RAD52: variants seen among roughly 807,000 people sequenced by gnomAD.
The protein encoded by RAD52 is RAD52 DNA repair protein.
Under a neutral mutation model 55.5 loss-of-function variants are expected in RAD52, and 47 were observed. The observed-to-expected ratio is 0.85, with a 90% CI of 0.67 to 1.08. RAD52 has a LOEUF of 1.08. Among genes scored for constraint, RAD52 ranks in the 50% least tolerant of loss-of-function variants. RAD52 has a pLI of 0.00. For missense variants in RAD52, 468 were observed against 522.8 expected (o/e 0.90, Z 1.02); for synonymous variants, 184 against 198.9 (o/e 0.92, Z 0.63).
intron 1 of RAD52, among the ~76,000 whole-genome samples, chr12:943,234 A>ACC (rs1286846300): frequency 2.6e-5 from 4 of 152,140 alleles, no homozygotes; most frequent in African/African-American, 9.7e-5. Flanking sequence ...GGCTGATAAA[A>ACC]CCACTCAGCT....
intron 1 of RAD52, among the ~76,000 whole-genome samples, chr12:960,989 T>C (rs1003836709): frequency 2.6e-5 from 4 of 151,566 alleles, no homozygotes; most frequent in East Asian, 1.9e-4. Context: ...CTCCAACACA[T>C]AGAGGCAAGA....
intron 1 of RAD52, among the ~76,000 whole-genome samples, chr12:945,113 G>A (rs977640127): frequency 6.6e-6 from 1 of 152,134 alleles, no homozygotes; most frequent in African/African-American, 2.4e-5. Context: ...CACTTTGGAA[G>A]GCCAATGCAG....
intron 1 of RAD52, among the ~76,000 whole-genome samples, chr12:986,274 G>C (rs1424418582): frequency 3.3e-5 from 5 of 152,102 alleles, no homozygotes; most frequent in African/African-American, 1.2e-4. Context: ...ATGTTGCCCA[G>C]GTTGGCTTTG....
rs1270804941 is a variant in RAD52 at position 912,829 on chromosome 12, TA to T, written c.*561del. On this transcript the variant is annotated 3_prime_UTR_variant, in exon 12 of 12. Coordinates refer to ENST00000358495, the MANE Select transcript of RAD52 (RefSeq NM_134424.4). ...TCAGTCTTGAAACAATGCAGGATTG[TA>T]ATGTCATAAATCCATAAATTATTTA... The T allele has an allele frequency of 5.2e-6, 1 of 190,604 alleles. No individual in the cohort carries two copies. The highest frequency in any genetic ancestry group is 2.3e-5 in the African/African-American group (1 of 43,008). 11.8% of individuals were successfully genotyped at this position (190,604 alleles called of 1,614,324 possible). A position where few individuals can be genotyped will look rare whatever the true frequency, so the allele number is the denominator to read the frequency against.
Position 929,876 on chromosome 12 carries a change from G to T in RAD52, c.291C>A (p.Asp97Glu). The change falls in exon 5 of 12, where the codon GAC becomes GAA. Residue 97 changes from aspartate (D) to glutamate (E), a missense_variant. Coordinates refer to ENST00000358495, the MANE Select transcript of RAD52 (RefSeq NM_134424.4). ...CCACGTAGAACTTGCCATTGTTGAG[G>T]TCAACAAAATCTAGGAGTGGGAAAG... ...SITQQNVDFVDLNNGKFYVGV... is the reference protein window; with the variant it reads ...SITQQNVDFVELNNGKFYVGV... The T allele has an allele frequency of 6.2e-7, 1 of 1,613,730 alleles. No individual in the cohort carries two copies. Among genetic ancestry groups the T allele is most frequent in the South Asian group, 1.1e-5 (1 of 91,084 alleles).
intron 1 of RAD52, among the ~76,000 whole-genome samples, chr12:982,834 G>A (rs535331807): frequency 6.7e-5 from 10 of 148,804 alleles, no homozygotes; most frequent in Admixed American, 1.4e-4. Flanking sequence ...CTACAGGTGC[G>A]CACCACGATG....
At chr12:917,619 A>G (rs1391549829) in intron 7 of RAD52, among the ~76,000 whole-genome samples, 1 of 151,922 alleles carries the variant, frequency 6.6e-6, no homozygotes, top group Non-Finnish European at 1.5e-5. Context: ...ACGTTGACTC[A>G]TGCCTGTAAT....
intron 7 of RAD52, among the ~76,000 whole-genome samples, chr12:925,140 C>T (rs1360194003): frequency 2.0e-5 from 3 of 151,898 alleles, no homozygotes; most frequent in Admixed American, 6.6e-5. Flanking sequence ...TTAGTAGAGA[C>T]AGGGTTTCAC....
chr12:930,562 A>G (rs1957274905), intron 3 of RAD52, among the ~76,000 whole-genome samples: 1 of 152,208 alleles, frequency 6.6e-6, no homozygotes. Context: ...ATATACACAG[A>G]AGTTAAAATT....
chr12:946,300 G>A (rs1958226551), intron 1 of RAD52, among the ~76,000 whole-genome samples: 1 of 152,158 alleles, frequency 6.6e-6, no homozygotes, highest in African/African-American at 2.4e-5. Context: ...ATATCCACTA[G>A]GCTTTCTGCC....
In RAD52 at chr12:934,967, T is replaced by C. The variant is rs550022281; in HGVS notation, c.-18-1891A>G. On this transcript the variant is annotated intron_variant, in intron 1 of 11. Transcript: ENST00000358495. ...ATCTGTACTAAAAATACAAAAAAAT[T>C]AGCCGGATGTGGTGGCAGGCGCCTG... Among the ~76,000 whole-genome samples, 24 of 151,824 alleles carry C rather than the reference T, an allele frequency of 1.6e-4. No individual in the cohort carries two copies. The South Asian group carries it at 5.0e-3, about 32-fold the overall frequency.
At chr12:925,112 G>A (rs11571453) in intron 7 of RAD52, among the ~76,000 whole-genome samples, 10,439 of 151,908 alleles carry the variant, frequency 0.069, 429 homozygotes, top group African/African-American at 0.085. Flanking sequence ...CACCTCGCCC[G>A]GCTAATTTTT....
chr12:961,688 C>T (rs887465150), intron 1 of RAD52, among the ~76,000 whole-genome samples: 6 of 151,922 alleles, frequency 3.9e-5, no homozygotes, highest in African/African-American at 1.2e-4. Context: ...TAGCGAAACT[C>T]TGTCTTTACT....
At chr12:959,780 A>C (rs1193494509) in intron 1 of RAD52, among the ~76,000 whole-genome samples, 2 of 152,078 alleles carry the variant, frequency 1.3e-5, no homozygotes, top group Non-Finnish European at 2.9e-5. Flanking sequence ...GGTGAGTTGG[A>C]AGTTTCTGAT....
intron 1 of RAD52, among the ~76,000 whole-genome samples, chr12:940,465 C>T (rs1250873792): frequency 8.6e-5 from 13 of 151,790 alleles, no homozygotes; most frequent in African/African-American, 2.4e-4. Flanking sequence ...GGTGTGGTGG[C>T]GCGTGCCTGT....
intron 1 of RAD52, among the ~76,000 whole-genome samples, chr12:960,707 G>A (rs956810212): frequency 3.3e-5 from 5 of 152,056 alleles, no homozygotes; most frequent in African/African-American, 1.2e-4. Context: ...CTCAAGCGAT[G>A]CCCCCCTTCT....
chr12:931,373 C>A (rs2154114442), intron 2 of RAD52, 52 bp from the exon 3 acceptor site: 2 of 1,332,136 alleles, frequency 1.5e-6, no homozygotes, highest in East Asian at 2.5e-5. Context: ...TTCCTCACAT[C>A]ATTGAGTCTC....
chr12:972,128 T>C (rs1198446211), intron 1 of RAD52, among the ~76,000 whole-genome samples: 1 of 152,142 alleles, frequency 6.6e-6, no homozygotes. Flanking sequence ...CAATATTGCT[T>C]GTTTATGTAT....
Position 912,592 on chromosome 12 carries a change from T to G in RAD52, c.*799A>C, listed in dbSNP as rs1956147628. ...AAATGCCTTTTCTGGCCAGACACAG[T>G]GGCTCACACCAGTAATCCCTGTATT... On this transcript the variant is annotated 3_prime_UTR_variant, in exon 12 of 12. Transcript: ENST00000358495. The G allele has an allele frequency of 5.5e-6, 1 of 180,828 alleles. No individual in the cohort carries two copies. The allele number at this position is 180,828 out of a possible 1,614,324, so 11.2% of individuals were successfully genotyped here. A position where few individuals can be genotyped will look rare whatever the true frequency, so the allele number is the denominator to read the frequency against.
Sources: allele counts gnomAD v4.1 joint callset (sites outside exome capture counted in the v4.1 genomes callset), GRCh38; gene constraint gnomAD v4.1.1; transcripts MANE v1.5; gene names NCBI Gene and HGNC (gene_info 2026-07-23, HGNC 2026-07-21).